KATNAL1: variants seen among roughly 807,000 people sequenced by gnomAD.
KATNAL1 encodes the protein katanin catalytic subunit A1 like 1, also known as katanin p60 ATPase-containing subunit A-like 1.
KATNAL1 carries 32 observed loss-of-function variants against 55.2 expected under a neutral mutation model. The ratio of observed to expected loss-of-function variants is 0.58; its 90% CI spans 0.44 to 0.78. The LOEUF is 0.78. KATNAL1 is among the 30% of genes least tolerant of loss of function. KATNAL1 has a pLI of 0.00. For missense variants in KATNAL1, 466 were observed against 600.9 expected (o/e 0.78, Z 2.35); for synonymous variants, 193 against 193.6 (o/e 1.00, Z 0.02).
At chr13:30,268,523 T>C (rs11618973) in intron 3 of KATNAL1, among the ~76,000 whole-genome samples, 14,521 of 151,882 alleles carry the variant, frequency 0.096, 926 homozygotes, top group East Asian at 0.22. Context: ...TTAAAACCAA[T>C]GAGAAAAAAA....
At chr13:30,290,531 A>C (rs1312561780) in intron 1 of KATNAL1, among the ~76,000 whole-genome samples, 1 of 152,226 alleles carries the variant, frequency 6.6e-6, no homozygotes, top group African/African-American at 2.4e-5. Context: ...AAGAGGTAGA[A>C]ATATTTCCAA....
chr13:30,293,062 T>G (rs1156260902), intron 1 of KATNAL1, among the ~76,000 whole-genome samples: 1 of 152,204 alleles, frequency 6.6e-6, no homozygotes, highest in African/African-American at 2.4e-5. Context: ...ATGTAGAAAT[T>G]AATGTCTTTC....
chr13:30,280,839 T>G (rs1036579298), intron 2 of KATNAL1, among the ~76,000 whole-genome samples: 2 of 152,142 alleles, frequency 1.3e-5, no homozygotes, highest in Non-Finnish European at 2.9e-5. Context: ...ATTTAAAAAA[T>G]TTAACTGAAC....
intron 3 of KATNAL1, among the ~76,000 whole-genome samples, chr13:30,262,210 T>C (rs1879356187): frequency 2.6e-5 from 4 of 151,022 alleles, no homozygotes; most frequent in Non-Finnish European, 5.9e-5. Flanking sequence ...CTGGGACGCA[T>C]TCAAAGCAGT....
intron 4 of KATNAL1, among the ~76,000 whole-genome samples, chr13:30,254,172 CT>C (rs1878590077): frequency 6.6e-6 from 1 of 152,090 alleles, no homozygotes; most frequent in African/African-American, 2.4e-5. Context: ...GTACTGTATT[CT>C]CTATAATGCA....
chr13:30,245,238 G>C (rs996714575), intron 4 of KATNAL1, among the ~76,000 whole-genome samples: 1 of 152,098 alleles, frequency 6.6e-6, no homozygotes, highest in African/African-American at 2.4e-5. Flanking sequence ...TGGGATGCAG[G>C]GCTAGTTCAA....
chr13:30,260,613 G>C lies in KATNAL1; in HGVS notation c.324-4998C>G, dbSNP rs1023330794. 4.4e-4 allele frequency among the ~76,000 whole-genome samples: 67 copies of C among 152,164 alleles called. 1 individual carries two copies. The highest frequency in any genetic ancestry group is 1.4e-3 in the African/African-American group (60 of 41,496). ...GCCGATGAGATCAACTGGAAGAAAG[G>C]GTATCAGCGATGGAAGATGAAGTGA... On this transcript the variant is annotated intron_variant, in intron 3 of 10. Transcript: ENST00000380615.
intron 3 of KATNAL1, 54 bp from the exon 4 acceptor site, chr13:30,255,669 C>T: frequency 1.5e-6 from 2 of 1,320,602 alleles, no homozygotes; most frequent in Non-Finnish European, 1.9e-6. Flanking sequence ...TAATCAAAGG[C>T]AAAAGTATGT....
chr13:30,249,147 G>T (rs894863371), intron 4 of KATNAL1, among the ~76,000 whole-genome samples: 1 of 151,982 alleles, frequency 6.6e-6, no homozygotes, highest in Non-Finnish European at 1.5e-5. Context: ...CAGGAGAATT[G>T]CTTGAACCTG....
chr13:30,274,899 G>GCACACACACA (rs1437272219), intron 3 of KATNAL1, among the ~76,000 whole-genome samples: 2 of 112,328 alleles, frequency 1.8e-5, no homozygotes, highest in Non-Finnish European at 3.5e-5. Context: ...ATACGCGCGC[G>GCACACACACA]CGCGCGCGCA....
chr13:30,275,883 T>G (rs893527674), intron 3 of KATNAL1, among the ~76,000 whole-genome samples: 1 of 152,166 alleles, frequency 6.6e-6, no homozygotes, highest in Non-Finnish European at 1.5e-5. Context: ...AAAAAGGACC[T>G]ACCATATTTA....
At chr13:30,275,716 A>C (rs1033461213) in intron 3 of KATNAL1, among the ~76,000 whole-genome samples, 2 of 152,022 alleles carry the variant, frequency 1.3e-5, no homozygotes, top group African/African-American at 4.8e-5. Flanking sequence ...TCTCACCACA[A>C]AATGAAAAAC....
At chr13:30,301,629 A>T (rs1420310783) in intron 1 of KATNAL1, among the ~76,000 whole-genome samples, 2 of 152,134 alleles carry the variant, frequency 1.3e-5, no homozygotes, top group Non-Finnish European at 2.9e-5. Context: ...TTGAACCCAG[A>T]TGTGTCTAAC....
intron 3 of KATNAL1, among the ~76,000 whole-genome samples, chr13:30,257,741 G>A (rs544385238): frequency 1.9e-4 from 29 of 152,306 alleles, no homozygotes; most frequent in Admixed American, 9.2e-4. Context: ...TTCTGCCACT[G>A]AATATTCTGA....
Position 30,231,333 on chromosome 13 carries a change from A to G in KATNAL1, c.866T>C (p.Val289Ala). ...ACTCACCATCTCAAACAACAGACGAACTAACTTCTCAGATTCACCTCTGTA... is the reference window on the plus strand; with the variant it reads ...ACTCACCATCTCAAACAACAGACGAGCTAACTTCTCAGATTCACCTCTGTA... ...SKYRGESEKL[V>A]RLLFEMARFY... The change falls in exon 7 of 11, where the codon GTT becomes GCT. Residue 289 changes from valine (V) to alanine (A), a missense_variant. Coordinates refer to ENST00000380615, the MANE Select transcript of KATNAL1 (RefSeq NM_032116.5). 2 of 1,607,962 alleles carry G rather than the reference A, an allele frequency of 1.2e-6. No homozygotes were observed. The highest frequency in any genetic ancestry group is 1.7e-6 in the Non-Finnish European group (2 of 1,177,102).
At chr13:30,219,728 A>G (rs928843872) in intron 9 of KATNAL1, among the ~76,000 whole-genome samples, 1 of 152,228 alleles carries the variant, frequency 6.6e-6, no homozygotes, top group African/African-American at 2.4e-5. Flanking sequence ...TTTCATGATC[A>G]TAAGGTACAC....
intron 4 of KATNAL1, among the ~76,000 whole-genome samples, chr13:30,243,856 G>T (rs1233816177): frequency 1.3e-5 from 2 of 152,088 alleles, no homozygotes; most frequent in African/African-American, 2.4e-5. Flanking sequence ...CCTCTCACTT[G>T]CCTAATTTAT....
chr13:30,258,651 C>T (rs927049029), intron 3 of KATNAL1, among the ~76,000 whole-genome samples: 6 of 152,062 alleles, frequency 3.9e-5, no homozygotes, highest in African/African-American at 1.4e-4. Flanking sequence ...TGATGATATC[C>T]CTCCCATGTT....
chr13:30,304,743 T>C (rs1287607847), intron 1 of KATNAL1, among the ~76,000 whole-genome samples: 4 of 152,182 alleles, frequency 2.6e-5, no homozygotes, highest in Admixed American at 1.3e-4. Flanking sequence ...CACCTCCACC[T>C]GAATATCCCA....
Sources: allele counts gnomAD v4.1 joint callset (sites outside exome capture counted in the v4.1 genomes callset), GRCh38; gene constraint gnomAD v4.1.1; transcripts MANE v1.5; gene names NCBI Gene and HGNC (gene_info 2026-07-23, HGNC 2026-07-21).